DPP9: variants seen among roughly 807,000 people sequenced by gnomAD.
DPP9 encodes the protein dipeptidyl peptidase 9.
DPP9 carries 50 observed loss-of-function variants against 110.7 expected under a neutral mutation model. The ratio of observed to expected loss-of-function variants is 0.45; its 90% CI spans 0.36 to 0.57. DPP9 has a LOEUF of 0.57. DPP9 is among the 20% of genes least tolerant of loss of function. The probability of loss-of-function intolerance (pLI) is 0.00; values close to 1 mark genes in which losing one functional copy is unlikely to be tolerated. For synonymous variants in DPP9, 561 were observed against 514.4 expected (o/e 1.09, Z -1.23); for missense variants, 1,022 against 1,217.9 (o/e 0.84, Z 2.39).
At chr19:4,697,045 G>C (rs2091863792) in intron 11 of DPP9, among the ~76,000 whole-genome samples, 1 of 151,774 alleles carries the variant, frequency 6.6e-6, no homozygotes, top group Non-Finnish European at 1.5e-5. Flanking sequence ...GCTGCAGTGA[G>C]TTATGATCGC....
At chr19:4,702,255 A>AC in intron 8 of DPP9, 100 bp from the exon 9 acceptor site, 1 of 1,442,600 alleles carries the variant, frequency 6.9e-7, no homozygotes. Context: ...GAAGATGGGC[A>AC]CCGAGGGCTC....
rs1325906450 is a variant in DPP9 at position 4,713,984 on chromosome 19, T to C, written c.313+97A>G. ...CCCAGGGCCCAGCCATCCGAGCAGA[T>C]CTTCCAACTCCTGTGGACCTCTGGG... On this transcript the variant is annotated intron_variant, in intron 4 of 21. Transcript: ENST00000262960. The C allele has an allele frequency of 2.1e-6, 3 of 1,453,962 alleles. No homozygotes were observed. In the African/African-American group the frequency reaches 4.3e-5, roughly 21 times the overall value. The allele number at this position is 1,453,962 out of a possible 1,614,324, so 90.1% of individuals were successfully genotyped here. A position where few individuals can be genotyped will look rare whatever the true frequency, so the allele number is the denominator to read the frequency against.
chr19:4,691,071 G>T, intron 13 of DPP9, 114 bp from the exon 14 acceptor site: 1 of 774,326 alleles, frequency 1.3e-6, no homozygotes, highest in African/African-American at 1.7e-5. Context: ...CTGAAACCCC[G>T]GCTTGCTGTG....
intron 1 of DPP9, 22 bp downstream of exon 1, chr19:4,723,652 G>C (rs2093422330): frequency 1.3e-5 from 2 of 157,298 alleles, no homozygotes; most frequent in South Asian, 3.4e-4. Flanking sequence ...GGGGCGGGAC[G>C]AGGCGCGCGG....
rs750955808 is a variant in DPP9 at position 4,704,206 on chromosome 19, G to A, written c.525C>T (p.Ser175=). The A allele has an allele frequency of 4.3e-6, 7 of 1,614,022 alleles. No homozygotes were observed. Among genetic ancestry groups the A allele is most frequent in the East Asian group, 4.5e-5 (2 of 44,886 alleles). ...VFGITSYDFH[S]ESGLFLFQAS... ...CCTGGAAGAGGAAGAGGCCACTCTCGCTGTGGAAGTCGTAGGAGGTGATGC... is the reference window on the plus strand; with the variant it reads ...CCTGGAAGAGGAAGAGGCCACTCTCACTGTGGAAGTCGTAGGAGGTGATGC... The change falls in exon 6 of 22, where the codon AGC becomes AGT. Residue 175 remains serine, a synonymous_variant. Transcript: ENST00000262960. This position sits in a 1 kb window ranked among gnomAD's most constrained non-coding sequence, Gnocchi z 6.0.
chr19:4,681,842 CTTTTTTTTTTTTT>C (rs778786711), intron 20 of DPP9, among the ~76,000 whole-genome samples: 2 of 115,716 alleles, frequency 1.7e-5, no homozygotes, highest in East Asian at 2.4e-4. Flanking sequence ...CCCAGGCAGA[CTTTTTTTTTTTTT>C]TTTTTTTTTG....
Position 4,684,644 on chromosome 19 carries a change from A to G in DPP9, c.2178+19T>C. ...TCCCGAGACCCAAAGGACCCAGAGCAACAGGGAGGAGTTGTTACCATTTGG... is the reference window on the plus strand; with the variant it reads ...TCCCGAGACCCAAAGGACCCAGAGCGACAGGGAGGAGTTGTTACCATTTGG... On this transcript the variant is annotated intron_variant, in intron 18 of 21. Transcript: ENST00000262960. This position sits in a 1 kb window ranked among gnomAD's most constrained non-coding sequence, Gnocchi z 4.8. 1 of 1,612,768 alleles carries G rather than the reference A, an allele frequency of 6.2e-7. No homozygotes were observed. Among genetic ancestry groups the G allele is most frequent in the Non-Finnish European group, 8.5e-7 (1 of 1,179,510 alleles).
At chr19:4,696,436 G>A (rs767929656) in intron 11 of DPP9, among the ~76,000 whole-genome samples, 6 of 151,074 alleles carry the variant, frequency 4.0e-5, no homozygotes, top group Non-Finnish European at 5.9e-5. Context: ...CCTGGGCCTG[G>A]GCAACATGGC....
At chr19:4,703,623 T>G (rs1182998725) in intron 7 of DPP9, among the ~76,000 whole-genome samples, 1 of 150,150 alleles carries the variant, frequency 6.7e-6, no homozygotes, top group Non-Finnish European at 1.5e-5. Flanking sequence ...CACTCCCGCC[T>G]GCGCTCCCGC....
At chr19:4,712,719 C>T (rs1191561453) in intron 4 of DPP9, among the ~76,000 whole-genome samples, 6 of 152,174 alleles carry the variant, frequency 3.9e-5, no homozygotes, top group Non-Finnish European at 7.3e-5. Flanking sequence ...TGTCACCTGC[C>T]GACCCCTGTT....
Position 4,697,532 on chromosome 19 carries a change from T to A in DPP9, c.1175+19A>T. The A allele has an allele frequency of 6.2e-7, 1 of 1,607,504 alleles. No homozygotes were observed. The highest frequency in any genetic ancestry group is 8.5e-7 in the Non-Finnish European group (1 of 1,175,372). ...GGCCCTGCAGGTGAATTCCTTGGGTTCCAGCCAGAGACACTCACTATTTGC... is the reference window on the plus strand; with the variant it reads ...GGCCCTGCAGGTGAATTCCTTGGGTACCAGCCAGAGACACTCACTATTTGC... On this transcript the variant is annotated intron_variant, in intron 11 of 21. Coordinates refer to ENST00000262960, the MANE Select transcript of DPP9 (RefSeq NM_139159.5).
Position 4,682,345 on chromosome 19 carries a change from G to A in DPP9, c.2474+351C>T, listed in dbSNP as rs1015935407. Among the ~76,000 whole-genome samples the A allele has an allele frequency of 2.6e-5, 4 of 152,230 alleles. No individual in the cohort carries two copies. Among genetic ancestry groups the A allele is most frequent in the Non-Finnish European group, 5.9e-5 (4 of 68,026 alleles). ...TGTCCTGAAGCACAAGACAGAGGCT[G>A]TGATGGGGCCTCCAGCAGGATGCAG... On this transcript the variant is annotated intron_variant, in intron 20 of 21. Transcript: ENST00000262960. This position sits in a 1 kb window ranked among gnomAD's most constrained non-coding sequence, Gnocchi z 7.1.
chr19:4,691,336 C>A (rs1420095687), intron 13 of DPP9, among the ~76,000 whole-genome samples: 1 of 151,958 alleles, frequency 6.6e-6, no homozygotes, highest in Non-Finnish European at 1.5e-5. Context: ...ATTAGCCAGG[C>A]GTGGTGGCGT....
chr19:4,699,235 A>AT (rs1446166686), intron 10 of DPP9, among the ~76,000 whole-genome samples: 1 of 151,328 alleles, frequency 6.6e-6, no homozygotes, highest in Non-Finnish European at 1.5e-5. Flanking sequence ...CATTTTTGCA[A>AT]GAGCACACAA....
chr19:4,706,951 C>T lies in DPP9; in HGVS notation c.314-981G>A, dbSNP rs117224104. On this transcript the variant is annotated intron_variant, in intron 4 of 21. Transcript: ENST00000262960. Reference sequence around the variant, plus strand: ...GGCGCTGAGCAGCATCCCTGTCCTCCGCCCACTCCATGCCAGGGGCACCCC... The same window carrying T: ...GGCGCTGAGCAGCATCCCTGTCCTCTGCCCACTCCATGCCAGGGGCACCCC... 1.9e-3 allele frequency among the ~76,000 whole-genome samples: 287 copies of T among 152,298 alleles called. 6 individuals are homozygous for T. The East Asian group carries it at 0.048, about 25-fold the overall frequency.
chr19:4,715,886 G>C (rs979259056), intron 3 of DPP9: 1 of 152,200 alleles, frequency 6.6e-6, no homozygotes, highest in East Asian at 1.9e-4. Flanking sequence ...TCCCGCCCTC[G>C]TCACTTAGCA....
rs560768266 is a variant in DPP9, at chr19:4,686,935, C to T, written c.1886-1164G>A. Reference sequence around the variant, plus strand: ...GGCCACAGACCACAGAGGGACTGCACGTGGCTGGATTTGGCAGCAGTTGGC... The same window carrying T: ...GGCCACAGACCACAGAGGGACTGCATGTGGCTGGATTTGGCAGCAGTTGGC... On this transcript the variant is annotated intron_variant, in intron 16 of 21. Coordinates refer to ENST00000262960, the MANE Select transcript of DPP9 (RefSeq NM_139159.5). Among the ~76,000 whole-genome samples the T allele has an allele frequency of 1.2e-4, 19 of 152,254 alleles. No individual in the cohort carries two copies. In the East Asian group the frequency reaches 2.3e-3, roughly 19 times the overall value.
intron 4 of DPP9, among the ~76,000 whole-genome samples, chr19:4,706,650 T>C (rs1368778831): frequency 2.0e-5 from 3 of 152,096 alleles, no homozygotes; most frequent in Non-Finnish European, 2.9e-5. Context: ...ACCCCATCTC[T>C]ACTAAAAACA....
intron 9 of DPP9, among the ~76,000 whole-genome samples, chr19:4,701,179 T>G (rs528831004): frequency 6.6e-6 from 1 of 152,152 alleles, no homozygotes; most frequent in African/African-American, 2.4e-5. Context: ...TGTTTAAGAA[T>G]TGGGAGTGGC....
Sources: allele counts gnomAD v4.1 joint callset (sites outside exome capture counted in the v4.1 genomes callset), GRCh38; gene constraint gnomAD v4.1.1; non-coding constraint Gnocchi (gnomAD v3.1); transcripts MANE v1.5; gene names NCBI Gene and HGNC (gene_info 2026-07-23, HGNC 2026-07-21).